The following RFX6 variants were observed in gnomAD, a reference collection of about 807,000 sequenced individuals.
The protein encoded by RFX6 is DNA-binding protein RFX6.
In RFX6, 50 loss-of-function variants were observed where a neutral mutation model predicts 110.8. That is an observed-to-expected ratio of 0.45 (90% CI 0.36 to 0.57). The LOEUF is 0.57. RFX6 is among the 20% of genes least tolerant of loss of function. RFX6 has a pLI of 0.00. For missense variants in RFX6, 990 were observed against 1,127.0 expected, an observed-to-expected ratio of 0.88 and a Z score of 1.74; for synonymous variants, 383 against 411.2, an observed-to-expected ratio of 0.93 and a Z score of 0.83.
intron 4 of RFX6, among the ~76,000 whole-genome samples, chr6:116,892,859 G>C (rs942283977): frequency 6.6e-6 from 1 of 152,106 alleles, no homozygotes; most frequent in African/African-American, 2.4e-5. Flanking sequence ...ATGCTTAGGA[G>C]TGGAACTTCT....
chr6:116,916,124 A>G (rs748759039), intron 8 of RFX6, 39 bp downstream of exon 8: 7 of 1,547,518 alleles, frequency 4.5e-6, no homozygotes, highest in Middle Eastern at 1.7e-4. Context: ...ACCCTATTAT[A>G]TATACTTTCA....
chr6:116,910,609 G>A (rs370193112), intron 6 of RFX6, among the ~76,000 whole-genome samples: 3 of 152,258 alleles, frequency 2.0e-5, no homozygotes. Flanking sequence ...TAGTTTCAAA[G>A]GCAGATCTTC....
chr6:116,928,643 G>A (rs1775807053), intron 17 of RFX6, 116 bp from the exon 18 acceptor site: 1 of 747,100 alleles, frequency 1.3e-6, no homozygotes, highest in African/African-American at 1.7e-5. Flanking sequence ...AGATACACAT[G>A]TAATACTTAC....
chr6:116,925,563 A>T lies in RFX6; in HGVS notation c.1789A>T (p.Thr597Ser). The change falls in exon 16 of 19, where the codon ACA (threonine) becomes TCA (serine). Residue 597 changes from threonine to serine, a missense_variant. Thr to Ser is a moderately conservative substitution (Grantham distance 58). Around this residue, in one of 5 missense-constraint regions of RFX6, gnomAD observed 438 missense variants for 441.9 expected, o/e 0.99. Coordinates refer to ENST00000332958, the MANE Select transcript of RFX6 (RefSeq NM_173560.4). ...DAVKNESHVE[T>S]TYLPLPSSQP... ...TGTGAAGAATGAAAGCCACGTGGAGACAACCTATCTCCCTCTGCCATCCAG... is the reference window on the plus strand; with the variant it reads ...TGTGAAGAATGAAAGCCACGTGGAGTCAACCTATCTCCCTCTGCCATCCAG... The T allele has an allele frequency of 6.2e-7, 1 of 1,614,034 alleles. No homozygotes were observed. Among genetic ancestry groups the T allele is most frequent in the Non-Finnish European group, 8.5e-7 (1 of 1,179,904 alleles).
At chr6:116,895,114 A>T in intron 5 of RFX6, 66 bp from the exon 6 acceptor site, 1 of 837,024 alleles carries the variant, frequency 1.2e-6, no homozygotes, top group Non-Finnish European at 2.1e-6. Context: ...TAGGTTGTCT[A>T]CATATCATTG....
rs1283564919 is a variant in RFX6, at chr6:116,922,973, T to A, written c.1438-134T>A. 4.1e-6 allele frequency: 3 copies of A among 732,124 alleles called. No individual in the cohort carries two copies. The Admixed American group carries it at 5.5e-5, about 13-fold the overall frequency. The allele number at this position is 732,124 out of a possible 1,614,324, so 45.4% of individuals were successfully genotyped here. ...AACATTAAATTCCCTGGACAGATAGTTTTATTTGATGAAATAAATGCCATG... is the reference window on the plus strand; with the variant it reads ...AACATTAAATTCCCTGGACAGATAGATTTATTTGATGAAATAAATGCCATG... On this transcript the variant is annotated intron_variant, in intron 13 of 18. Coordinates refer to ENST00000332958, the MANE Select transcript of RFX6 (RefSeq NM_173560.4).
intron 6 of RFX6, among the ~76,000 whole-genome samples, chr6:116,899,984 C>T (rs986929988): frequency 6.6e-5 from 10 of 151,850 alleles, no homozygotes; most frequent in Middle Eastern, 6.8e-3. Context: ...GTAGAAGATG[C>T]GAATAGATGA....
intron 12 of RFX6, among the ~76,000 whole-genome samples, chr6:116,921,523 T>C (rs553203986): frequency 6.6e-6 from 1 of 152,286 alleles, no homozygotes; most frequent in Admixed American, 6.5e-5. Context: ...TTTAAACCTA[T>C]ATTTCAATAT....
At chr6:116,920,505 G>T in intron 12 of RFX6, 51 bp downstream of exon 12, 2 of 1,504,322 alleles carry the variant, frequency 1.3e-6, no homozygotes, top group South Asian at 2.3e-5. Context: ...TCAGAAAATT[G>T]ACATCTTGAG....
chr6:116,895,903 T>A lies in RFX6; in HGVS notation c.672+696T>A, dbSNP rs571634117. On this transcript the variant is annotated intron_variant, in intron 6 of 18. Coordinates refer to ENST00000332958, the MANE Select transcript of RFX6 (RefSeq NM_173560.4). Reference sequence around the variant, plus strand: ...GGACCTGAGGTAAAGTGTAACTCCATTAGTTTGGTGAAATGATGCAAGCAT... The same window carrying A: ...GGACCTGAGGTAAAGTGTAACTCCAATAGTTTGGTGAAATGATGCAAGCAT... Among the ~76,000 whole-genome samples the A allele has an allele frequency of 7.9e-5, 12 of 152,272 alleles. 2 individuals carry two copies. Among genetic ancestry groups the A allele is most frequent in the Admixed American group, 7.2e-4 (11 of 15,290 alleles).
chr6:116,901,003 C>A (rs568314339), intron 6 of RFX6, among the ~76,000 whole-genome samples: 104 of 152,206 alleles, frequency 6.8e-4, no homozygotes, highest in African/African-American at 2.5e-3. Flanking sequence ...AGAAACTGTA[C>A]TTCGAGTACC....
Position 116,927,255 on chromosome 6 carries a change from C to T in RFX6, c.2114C>T (p.Thr705Ile). The change falls in exon 17 of 19, where the codon ACT (threonine) becomes ATT (isoleucine). Residue 705 changes from threonine (T) to isoleucine (I), a missense_variant. Thr to Ile is a moderately conservative substitution (Grantham distance 89). Transcript: ENST00000332958. ...DFYSTSSNYQ[T>I]VFRAQPHSTS... Reference sequence around the variant, plus strand: ...TATAGCACCAGCTCTAACTACCAGACTGTGTTTAGGGCACAGCCCCACTCC... The same window carrying T: ...TATAGCACCAGCTCTAACTACCAGATTGTGTTTAGGGCACAGCCCCACTCC... 1 of 1,614,236 alleles carries T rather than the reference C, an allele frequency of 6.2e-7. No homozygotes were observed. Among genetic ancestry groups the T allele is most frequent in the South Asian group, 1.1e-5 (1 of 91,088 alleles).
intron 16 of RFX6, among the ~76,000 whole-genome samples, 155 bp downstream of exon 16, chr6:116,925,814 T>C (rs998978587): frequency 2.6e-5 from 4 of 152,216 alleles, no homozygotes; most frequent in Non-Finnish European, 5.9e-5. Context: ...ATTTTTGTGA[T>C]TTTCAGCAAT....
chr6:116,896,857 C>T (rs2114675260), intron 6 of RFX6, among the ~76,000 whole-genome samples: 1 of 152,222 alleles, frequency 6.6e-6, no homozygotes, highest in South Asian at 2.1e-4. Context: ...AACAATGAGG[C>T]TGAGAGATGT....
At chr6:116,889,794 A>G (rs1489424247) in intron 4 of RFX6, among the ~76,000 whole-genome samples, 2 of 152,268 alleles carry the variant, frequency 1.3e-5, no homozygotes, top group Admixed American at 6.5e-5. Flanking sequence ...ATGTTTAAGT[A>G]TATGATATTA....
intron 7 of RFX6, among the ~76,000 whole-genome samples, chr6:116,914,063 A>C (rs1302373259): frequency 6.6e-6 from 1 of 152,102 alleles, no homozygotes; most frequent in Non-Finnish European, 1.5e-5. Flanking sequence ...CCCATTAATC[A>C]ACTTCTCATT....
chr6:116,918,078 G>T lies in RFX6; in HGVS notation c.1014G>T (p.Met338Ile), dbSNP rs753499358. ...DVLIPATMQEMPESLLADIRN... is the reference protein window; with the variant it reads ...DVLIPATMQEIPESLLADIRN... Reference sequence around the variant, plus strand: ...TCATTCCTGCAACAATGCAAGAAATGCCTGAAAGGTATGTTCAGTTAATAA... The same window carrying T: ...TCATTCCTGCAACAATGCAAGAAATTCCTGAAAGGTATGTTCAGTTAATAA... Residue 338 changes from methionine (M) to isoleucine (I), a missense_variant, in exon 10 of 19, where the codon ATG becomes ATT. Met to Ile is a conservative substitution (Grantham distance 10). This residue lies in a region of RFX6 where 243 missense variants were observed against 353.1 expected (regional missense o/e 0.69). Coordinates refer to ENST00000332958, the MANE Select transcript of RFX6 (RefSeq NM_173560.4). 4 of 1,606,030 alleles carry T rather than the reference G, an allele frequency of 2.5e-6. No homozygotes were observed. The highest frequency in any genetic ancestry group is 3.4e-6 in the Non-Finnish European group (4 of 1,174,048).
intron 6 of RFX6, among the ~76,000 whole-genome samples, chr6:116,906,074 A>T (rs935502527): frequency 2.6e-5 from 4 of 152,188 alleles, no homozygotes. Context: ...GAATGTGGAC[A>T]TCCAGTTTTC....
intron 10 of RFX6, among the ~76,000 whole-genome samples, chr6:116,918,354 A>G (rs190533875): frequency 8.7e-4 from 132 of 152,156 alleles, no homozygotes; most frequent in African/African-American, 3.1e-3. Flanking sequence ...AAATTTTTCA[A>G]TGGAAACTAG....
Sources: allele counts gnomAD v4.1 joint callset (sites outside exome capture counted in the v4.1 genomes callset), GRCh38; gene constraint gnomAD v4.1.1; regional missense constraint gnomAD v4.1.1; transcripts MANE v1.5; gene names NCBI Gene and HGNC (gene_info 2026-07-23, HGNC 2026-07-21).